The following SPECC1 variants were observed in gnomAD, a reference collection of about 807,000 sequenced individuals.
SPECC1 encodes the protein sperm antigen with calponin homology and coiled-coil domains 1.
In SPECC1, 62 loss-of-function variants were observed where a neutral mutation model predicts 104.1. The observed-to-expected ratio is 0.60, with a 90% CI of 0.49 to 0.74. The LOEUF is 0.74. SPECC1 is among the 30% of genes least tolerant of loss of function. SPECC1 has a pLI of 0.00. For synonymous variants in SPECC1, 513 were observed against 501.6 expected (o/e 1.02, Z -0.30); for missense variants, 1,306 against 1,310.5 (o/e 1.00, Z 0.05).
intron 1 of SPECC1, among the ~76,000 whole-genome samples, chr17:20,031,357 T>C (rs1339801749): frequency 6.6e-6 from 1 of 152,178 alleles, no homozygotes; most frequent in Non-Finnish European, 1.5e-5. Flanking sequence ...TTTGCTCTTA[T>C]TGCCCAGGCT....
At chr17:20,105,862 G>T (rs2048176265) in intron 2 of SPECC1, among the ~76,000 whole-genome samples, 1 of 152,198 alleles carries the variant, frequency 6.6e-6, no homozygotes, top group South Asian at 2.1e-4. Context: ...GCTGCTCTGG[G>T]GTGGTGGCTG....
chr17:20,210,768 G>C (rs778465907), intron 4 of SPECC1, among the ~76,000 whole-genome samples: 73 of 152,296 alleles, frequency 4.8e-4, no homozygotes, highest in Non-Finnish European at 8.7e-4. Flanking sequence ...GGCACCACAT[G>C]GCTTCGCCCA....
At chr17:20,240,453 TGTTA>T (rs1410257124) in intron 7 of SPECC1, among the ~76,000 whole-genome samples, 1 of 152,186 alleles carries the variant, frequency 6.6e-6, no homozygotes, top group African/African-American at 2.4e-5. Context: ...TTATGTAAAC[TGTTA>T]GTGTTTTCCT....
At chr17:20,084,233 A>C (rs1376787692) in intron 1 of SPECC1, among the ~76,000 whole-genome samples, 1 of 152,206 alleles carries the variant, frequency 6.6e-6, no homozygotes, top group Non-Finnish European at 1.5e-5. Flanking sequence ...GTTTGAGACC[A>C]ACCTGACCAA....
At chr17:20,134,294 G>T (rs1422569141) in intron 3 of SPECC1, among the ~76,000 whole-genome samples, 1 of 151,396 alleles carries the variant, frequency 6.6e-6, no homozygotes, top group African/African-American at 2.4e-5. Context: ...CTCAATTTAT[G>T]TACCTATTTG....
chr17:20,292,963 A>G (rs1375269317), intron 12 of SPECC1, among the ~76,000 whole-genome samples: 1 of 152,198 alleles, frequency 6.6e-6, no homozygotes, highest in Admixed American at 6.5e-5. Flanking sequence ...TTTGGGGGAC[A>G]TTCTGGGGCC....
chr17:20,200,335 A>C (rs1234613169), intron 3 of SPECC1, among the ~76,000 whole-genome samples: 1 of 152,198 alleles, frequency 6.6e-6, no homozygotes, highest in African/African-American at 2.4e-5. Flanking sequence ...ACCACAGTAT[A>C]ATTTTTCATT....
intron 12 of SPECC1, among the ~76,000 whole-genome samples, chr17:20,267,097 T>C (rs992871102): frequency 6.6e-6 from 1 of 152,110 alleles, no homozygotes; most frequent in Non-Finnish European, 1.5e-5. Flanking sequence ...TTGCCCTCAC[T>C]ACGAAGTGAG....
At chr17:20,162,154 A>G (rs1432446529) in intron 3 of SPECC1, among the ~76,000 whole-genome samples, 7 of 147,576 alleles carry the variant, frequency 4.7e-5, no homozygotes, top group Non-Finnish European at 7.5e-5. Flanking sequence ...TTTTTTATAT[A>G]TATATTTTTT....
intron 12 of SPECC1, among the ~76,000 whole-genome samples, chr17:20,264,554 T>C (rs2005722): frequency 0.71 from 104,573 of 147,026 alleles, 38,735 homozygotes; most frequent in East Asian, 0.99. Flanking sequence ...TCACTGCAAC[T>C]TCCACCTCCC....
intron 1 of SPECC1, among the ~76,000 whole-genome samples, chr17:20,024,643 T>C (rs1400562864): frequency 1.3e-5 from 2 of 152,186 alleles, no homozygotes; most frequent in Non-Finnish European, 2.9e-5. Flanking sequence ...GAAGCACTAG[T>C]GGGAGATTGA....
At chr17:20,167,659 C>T (rs1452404345) in intron 3 of SPECC1, among the ~76,000 whole-genome samples, 1 of 152,182 alleles carries the variant, frequency 6.6e-6, no homozygotes, top group African/African-American at 2.4e-5. Context: ...GCCTGGGCAA[C>T]TTGAGTGAAA....
At chr17:20,090,258 G>A (rs551023239) in intron 1 of SPECC1, among the ~76,000 whole-genome samples, 1 of 152,330 alleles carries the variant, frequency 6.6e-6, no homozygotes, top group African/African-American at 2.4e-5. Flanking sequence ...TGCCTTCCCT[G>A]AGCCTGTGGG....
intron 1 of SPECC1, among the ~76,000 whole-genome samples, chr17:20,024,635 A>G (rs377461409): frequency 6.6e-6 from 1 of 152,160 alleles, no homozygotes; most frequent in African/African-American, 2.4e-5. Flanking sequence ...GCTAGTAGGA[A>G]GCACTAGTGG....
At chr17:20,308,950 A>G (rs1483400773) in intron 14 of SPECC1, among the ~76,000 whole-genome samples, 1 of 152,102 alleles carries the variant, frequency 6.6e-6, no homozygotes, top group African/African-American at 2.4e-5. Context: ...GTTTAAATAT[A>G]ATATCTTTTT....
At chr17:20,102,214 A>G (rs546238403) in intron 2 of SPECC1, among the ~76,000 whole-genome samples, 2 of 152,370 alleles carry the variant, frequency 1.3e-5, no homozygotes, top group East Asian at 1.9e-4. Context: ...TTGATGTTGC[A>G]TCCAAAAAGC....
At chr17:20,122,884 G>A (rs1181501722) in intron 3 of SPECC1, among the ~76,000 whole-genome samples, 1 of 152,186 alleles carries the variant, frequency 6.6e-6, no homozygotes, top group Non-Finnish European at 1.5e-5. Context: ...TTCACCTGTT[G>A]AAGGACCCTT....
chr17:20,201,561 A>G (rs548529964), intron 3 of SPECC1, among the ~76,000 whole-genome samples: 2 of 152,352 alleles, frequency 1.3e-5, no homozygotes, highest in South Asian at 4.1e-4. Context: ...TGTGATGATC[A>G]GTCCTGGACT....
chr17:20,281,188 A>G (rs3850783), intron 12 of SPECC1, among the ~76,000 whole-genome samples: 107,787 of 152,124 alleles, frequency 0.71, 39,992 homozygotes, highest in East Asian at 0.99. Flanking sequence ...GCCCATGTCA[A>G]TTAGCCTGCG....
Sources: gnomAD v4.1 joint callset for allele counts (sites outside exome capture counted in the v4.1 genomes callset) on GRCh38, gnomAD v4.1.1 for gene constraint, MANE v1.5 for transcripts, NCBI Gene and HGNC (gene_info 2026-07-23, HGNC 2026-07-21) for gene names.